The following PTPRE variants were observed in gnomAD, a reference collection of about 807,000 sequenced individuals.
The protein encoded by PTPRE is protein tyrosine phosphatase receptor type E.
A neutral mutation model predicts 102.0 loss-of-function variants in PTPRE; 51 were observed. The ratio of observed to expected loss-of-function variants is 0.50; its 90% CI spans 0.40 to 0.63. The LOEUF (loss-of-function observed/expected upper bound fraction) is 0.63, where lower values mean the gene tolerates loss of function less well. Among genes scored for constraint, PTPRE ranks in the 30% least tolerant of loss-of-function variants. The pLI is 0.00. For synonymous variants in PTPRE, 345 were observed against 348.2 expected, an observed-to-expected ratio of 0.99 and a Z score of 0.10; for missense variants, 752 against 915.1, an observed-to-expected ratio of 0.82 and a Z score of 2.30.
chr10:127,930,954 A>G (rs555438951), intron 1 of PTPRE, among the ~76,000 whole-genome samples: 4 of 151,926 alleles, frequency 2.6e-5, no homozygotes, highest in African/African-American at 9.7e-5. Flanking sequence ...CACCACACTC[A>G]GCTAATTTTT....
At chr10:127,911,330 C>T (rs996648752) in intron 1 of PTPRE, among the ~76,000 whole-genome samples, 7 of 152,208 alleles carry the variant, frequency 4.6e-5, no homozygotes, top group Non-Finnish European at 8.8e-5. Context: ...CCATTGACTC[C>T]AGTGATCGAT....
intron 2 of PTPRE, among the ~76,000 whole-genome samples, chr10:127,984,917 A>G (rs2135478703): frequency 6.6e-6 from 1 of 152,356 alleles, no homozygotes; most frequent in South Asian, 2.1e-4. Flanking sequence ...CACAGCTGCC[A>G]AGGTAGAATA....
In PTPRE at chr10:127,907,805, C is replaced by A. The variant is rs942009534; in HGVS notation, c.-31+496C>A. Among the ~76,000 whole-genome samples, 1 of 152,174 alleles carries A rather than the reference C, an allele frequency of 6.6e-6. No homozygotes were observed. The highest frequency in any genetic ancestry group is 2.4e-5 in the African/African-American group (1 of 41,452). ...GGCGCTCTGCCAGGATGCTGCCCCGCAGCCGGGCGGGCGCCCGCGCCTTCC... is the reference window on the plus strand; with the variant it reads ...GGCGCTCTGCCAGGATGCTGCCCCGAAGCCGGGCGGGCGCCCGCGCCTTCC... On this transcript the variant is annotated intron_variant, in intron 1 of 20. Transcript: ENST00000254667. This position sits in a 1 kb window ranked among gnomAD's most constrained non-coding sequence, Gnocchi z 4.8.
Position 128,084,429 on chromosome 10 carries a change from G to A in PTPRE, c.*1523G>A, listed in dbSNP as rs1208382604. 3 of 152,232 alleles carry A rather than the reference G, an allele frequency of 2.0e-5. No individual in the cohort carries two copies. 9.4% of individuals were successfully genotyped at this position (152,232 alleles called of 1,614,324 possible). A position where few individuals can be genotyped will look rare whatever the true frequency, so the allele number is the denominator to read the frequency against. On this transcript the variant is annotated 3_prime_UTR_variant, in exon 21 of 21. Transcript: ENST00000254667. The stretch of plus-strand genomic sequence containing the variant: ...AACAGTGTGTGCAAATGCAACCCCA[G>A]GACACATTATTGTTCTGATAGATGC...
rs182495670 is a variant in PTPRE at position 127,962,810 on chromosome 10, G to T, written c.-30-19464G>T. 5.5e-4 allele frequency among the ~76,000 whole-genome samples: 84 copies of T among 152,364 alleles called. No homozygotes were observed. In the East Asian group the frequency reaches 0.015, roughly 27 times the overall value. ...GCAGCGGAACAGCCTACAGTACCAG[G>T]CAGTCCCCAGCCCCCGCAATGTCCA... On this transcript the variant is annotated intron_variant, in intron 1 of 20. Coordinates refer to ENST00000254667, the MANE Select transcript of PTPRE (RefSeq NM_006504.6).
At chr10:127,930,948 A>C (rs1194717539) in intron 1 of PTPRE, among the ~76,000 whole-genome samples, 1 of 151,764 alleles carries the variant, frequency 6.6e-6, no homozygotes, top group Non-Finnish European at 1.5e-5. Flanking sequence ...GCGTGCCACC[A>C]CACTCAGCTA....
chr10:128,035,364 C>T (rs1378033561), intron 2 of PTPRE, among the ~76,000 whole-genome samples: 1 of 152,144 alleles, frequency 6.6e-6, no homozygotes, highest in African/African-American at 2.4e-5. Context: ...AATAGAACTA[C>T]TTAATAGCCT....
chr10:128,067,639 CA>C (rs1850378497), intron 11 of PTPRE, among the ~76,000 whole-genome samples: 1 of 152,256 alleles, frequency 6.6e-6, no homozygotes, highest in Non-Finnish European at 1.5e-5. Flanking sequence ...GCTCTGGGTC[CA>C]AAAGCTGAGA....
chr10:127,989,673 C>T (rs773908385), intron 2 of PTPRE, among the ~76,000 whole-genome samples: 4 of 152,192 alleles, frequency 2.6e-5, no homozygotes, highest in African/African-American at 2.4e-5. Flanking sequence ...AAAACTTTTC[C>T]GTTATGAAAA....
intron 20 of PTPRE, among the ~76,000 whole-genome samples, chr10:128,080,910 A>C (rs1461687612): frequency 6.6e-6 from 1 of 152,216 alleles, no homozygotes; most frequent in Non-Finnish European, 1.5e-5. Flanking sequence ...GCGCAGTGCA[A>C]CCAGGTGCCT....
At chr10:128,001,237 G>A (rs1043484743) in intron 2 of PTPRE, among the ~76,000 whole-genome samples, 10 of 152,094 alleles carry the variant, frequency 6.6e-5, no homozygotes, top group Non-Finnish European at 1.2e-4. Context: ...TACTATGTGT[G>A]GGACATCACA....
chr10:128,025,732 A>G (rs1450678308), intron 2 of PTPRE, among the ~76,000 whole-genome samples: 3 of 152,046 alleles, frequency 2.0e-5, no homozygotes, highest in Non-Finnish European at 2.9e-5. Flanking sequence ...AGAGCCCTAC[A>G]TGTCGGGCTG....
intron 3 of PTPRE, among the ~76,000 whole-genome samples, chr10:128,046,917 C>T (rs1848138266): frequency 1.3e-5 from 2 of 152,220 alleles, no homozygotes; most frequent in African/African-American, 2.4e-5. Flanking sequence ...GGTCACAGTG[C>T]GCCAGGGCCA....
intron 1 of PTPRE, among the ~76,000 whole-genome samples, chr10:127,932,198 A>C (rs1026107948): frequency 3.9e-5 from 6 of 152,366 alleles, no homozygotes; most frequent in Non-Finnish European, 8.8e-5. Context: ...AAAAGAAAAA[A>C]ACATTGAAAA....
chr10:128,057,448 A>C (rs1157425742), intron 7 of PTPRE, among the ~76,000 whole-genome samples: 3 of 152,174 alleles, frequency 2.0e-5, no homozygotes, highest in South Asian at 4.1e-4. Context: ...AAGGCAGCCC[A>C]TGTGGGCCCC....
intron 17 of PTPRE, 65 bp downstream of exon 17, chr10:128,073,536 T>G (rs1462285733): frequency 1.7e-5 from 27 of 1,545,326 alleles, no homozygotes; most frequent in Non-Finnish European, 2.3e-5. Flanking sequence ...CTGTCCCCGT[T>G]CATTACAAAT....
chr10:128,047,621 A>G (rs767838576), intron 4 of PTPRE, 132 bp downstream of exon 4: 3 of 1,613,750 alleles, frequency 1.9e-6, no homozygotes, highest in East Asian at 2.2e-5. Context: ...GGAGACACAC[A>G]GAGGCCAGGC....
chr10:128,068,643 GC>G (rs1300306368), intron 12 of PTPRE: 2 of 171,606 alleles, frequency 1.2e-5, no homozygotes, highest in African/African-American at 2.4e-5. Flanking sequence ...TCTACAGGAA[GC>G]CCCCCAACAA....
intron 1 of PTPRE, among the ~76,000 whole-genome samples, chr10:127,917,078 A>G (rs542339022): frequency 7.2e-5 from 11 of 152,064 alleles, no homozygotes; most frequent in South Asian, 4.2e-4. Flanking sequence ...CCGACTCAGC[A>G]GGTTGGATTT....
Sources: gnomAD v4.1 joint callset for allele counts (sites outside exome capture counted in the v4.1 genomes callset) on GRCh38, gnomAD v4.1.1 for gene constraint, Gnocchi (gnomAD v3.1) non-coding constraint, MANE v1.5 for transcripts, NCBI Gene and HGNC (gene_info 2026-07-23, HGNC 2026-07-21) for gene names.